ACTN2: variants seen among roughly 807,000 people sequenced by gnomAD.
The protein encoded by ACTN2 is actinin alpha 2, also known as alpha-actinin-2.
A neutral mutation model predicts 113.8 loss-of-function variants in ACTN2; 39 were observed. The observed-to-expected ratio is 0.34, with a 90% confidence interval of 0.27 to 0.45. ACTN2 has a LOEUF of 0.45. ACTN2 is among the 20% of genes least tolerant of loss of function. The pLI, the probability that ACTN2 is intolerant of heterozygous loss-of-function variation, is 1.00. For synonymous variants in ACTN2, 429 were observed against 444.1 expected (o/e 0.97, Z 0.43); for missense variants, 992 against 1,177.9 (o/e 0.84, Z 2.31).
rs764881077 is a variant in ACTN2 at position 236,744,657 on chromosome 1, C to T, written c.1287C>T (p.Tyr429=). ...GKEQILLQKD[Y]ESASLTEVRA... is the part of the protein sequence containing the mutation. Reference sequence around the variant, plus strand: ...AGCAGATCTTGCTGCAGAAGGATTACGAGTCGGCGTCGCTGACAGAGGTGC... The same window carrying T: ...AGCAGATCTTGCTGCAGAAGGATTATGAGTCGGCGTCGCTGACAGAGGTGC... Residue 429 remains tyrosine, a synonymous_variant, in exon 12 of 21, where the codon TAC becomes TAT. Coordinates refer to ENST00000366578, the MANE Select transcript of ACTN2 (RefSeq NM_001103.4). 1.9e-5 allele frequency: 30 copies of T among 1,614,074 alleles called. No homozygotes were observed. The Middle Eastern group carries it at 6.6e-4, about 35-fold the overall frequency.
intron 1 of ACTN2, among the ~76,000 whole-genome samples, chr1:236,702,283 A>T (rs1280123782): frequency 6.6e-6 from 1 of 152,210 alleles, no homozygotes. Flanking sequence ...CATTACAGAC[A>T]ACTAGGGAAG....
intron 7 of ACTN2, among the ~76,000 whole-genome samples, chr1:236,733,275 C>T (rs1229865330): frequency 6.6e-6 from 1 of 152,186 alleles, no homozygotes; most frequent in East Asian, 1.9e-4. Flanking sequence ...TTTATTCATG[C>T]CTCCCTAGTA....
At chr1:236,714,972 A>C (rs1572108780) in intron 1 of ACTN2, among the ~76,000 whole-genome samples, 1 of 103,972 alleles carries the variant, frequency 9.6e-6, no homozygotes, top group East Asian at 3.3e-4. Flanking sequence ...CTGAAGGGAT[A>C]TGCAAGAGAC....
intron 15 of ACTN2, among the ~76,000 whole-genome samples, chr1:236,751,906 T>TATA (rs1659407185): frequency 6.6e-6 from 1 of 152,198 alleles, no homozygotes. Context: ...ACACAACCAC[T>TATA]GTAGGTTATG....
chr1:236,742,113 G>C (rs1283942822), intron 10 of ACTN2, among the ~76,000 whole-genome samples: 1 of 152,256 alleles, frequency 6.6e-6, no homozygotes, highest in East Asian at 1.9e-4. Flanking sequence ...CCTCCTCGGA[G>C]GGGTCTTCTG....
At position 236,744,730 on chromosome 1, in the gene ACTN2, C is replaced by T. The variant is rs1346561214; in HGVS notation, c.1360C>T (p.His454Tyr). Residue 454 changes from histidine to tyrosine, a missense_variant, in exon 12 of 21, where the codon CAC becomes TAC. Coordinates refer to ENST00000366578, the MANE Select transcript of ACTN2 (RefSeq NM_001103.4). Reference protein sequence around the residue: ...HEAFESDLAAHQDRVEQIAAI... With the variant: ...HEAFESDLAAYQDRVEQIAAI... ...GGCGTTCGAGAGCGACCTGGCAGCG[C>T]ACCAGGACCGCGTGGAGCAGATCGC... 1 of 1,614,204 alleles carries T rather than the reference C, an allele frequency of 6.2e-7. No individual in the cohort carries two copies. Among genetic ancestry groups the T allele is most frequent in the South Asian group, 1.1e-5 (1 of 91,080 alleles).
intron 7 of ACTN2, 91 bp downstream of exon 7, chr1:236,731,405 C>A: frequency 9.8e-7 from 1 of 1,016,638 alleles, no homozygotes; most frequent in Non-Finnish European, 1.6e-6. Context: ...AATTTTATAG[C>A]GAAGTTACAT....
chr1:236,695,638 C>T lies in ACTN2; in HGVS notation c.126+8839C>T, dbSNP rs144614745. On this transcript the variant is annotated intron_variant, in intron 1 of 20. Coordinates refer to ENST00000366578, the MANE Select transcript of ACTN2 (RefSeq NM_001103.4). Reference sequence around the variant, plus strand: ...TCCAAGTTCATTTATGATTCAGAGACGTATAAATTTAAATTTGTTTTTGTA... The same window carrying T: ...TCCAAGTTCATTTATGATTCAGAGATGTATAAATTTAAATTTGTTTTTGTA... 8.0e-5 allele frequency among the ~76,000 whole-genome samples: 10 copies of T among 124,934 alleles called. No homozygotes were observed. The East Asian group carries it at 2.2e-3, about 28-fold the overall frequency. The allele number at this position is 124,934 out of a possible 152,430, so 82.0% of individuals were successfully genotyped here.
In ACTN2 at chr1:236,739,523, G is replaced by C. The variant is rs1243320734; in HGVS notation, c.1098G>C (p.Lys366Asn). 1.2e-6 allele frequency: 2 copies of C among 1,614,050 alleles called. No homozygotes were observed. Among genetic ancestry groups the C allele is most frequent in the Admixed American group, 1.7e-5 (1 of 60,020 alleles). The change falls in exon 10 of 21, where the codon AAG becomes AAC. Residue 366 changes from lysine (K) to asparagine (N), a missense_variant. Physicochemically the swap from Lys to Asn is moderately conservative, Grantham distance 94. Transcript: ENST00000366578. ...CTGCCTTCATGCCCTCCGAGGGCAA[G>C]ATGGTGTCGGTGAGTAGCAAGCGCC... ...NRPAFMPSEGKMVSDIAGAWQ... is the reference protein window; with the variant it reads ...NRPAFMPSEGNMVSDIAGAWQ...
Position 236,704,137 on chromosome 1 carries a change from T to C in ACTN2, c.127-13721T>C, listed in dbSNP as rs1434064000. Among the ~76,000 whole-genome samples, 3 of 152,192 alleles carry C rather than the reference T, an allele frequency of 2.0e-5. No homozygotes were observed. The East Asian group carries it at 5.8e-4, about 29-fold the overall frequency. ...TCAAGCTTCAACTTAAGACAGTCGTTAGTTTCACAGGACAAGGGAAGCGTA... is the reference window on the plus strand; with the variant it reads ...TCAAGCTTCAACTTAAGACAGTCGTCAGTTTCACAGGACAAGGGAAGCGTA... On this transcript the variant is annotated intron_variant, in intron 1 of 20. Coordinates refer to ENST00000366578, the MANE Select transcript of ACTN2 (RefSeq NM_001103.4).
chr1:236,751,143 C>T (rs548379332), intron 14 of ACTN2, among the ~76,000 whole-genome samples: 200 of 147,722 alleles, frequency 1.4e-3, no homozygotes, highest in Non-Finnish European at 2.1e-3. Flanking sequence ...AAGTTCTGCT[C>T]GTCAGCAGAA....
At chr1:236,758,051 T>G (rs1659599211) in intron 18 of ACTN2, among the ~76,000 whole-genome samples, 1 of 152,150 alleles carries the variant, frequency 6.6e-6, no homozygotes. Flanking sequence ...CATATAAAAC[T>G]CAGTTTTCTG....
chr1:236,743,963 G>A lies in ACTN2; in HGVS notation c.1256-663G>A, dbSNP rs139105048. 3.8e-3 allele frequency among the ~76,000 whole-genome samples: 586 copies of A among 152,234 alleles called. 3 individuals are homozygous for A. Among genetic ancestry groups the A allele is most frequent in the African/African-American group, 0.013 (549 of 41,520 alleles). On this transcript the variant is annotated intron_variant, in intron 11 of 20. Coordinates refer to ENST00000366578, the MANE Select transcript of ACTN2 (RefSeq NM_001103.4). ...TCTAGTACACAGTAAGTGGTACATC[G>A]TCATCATTAAATACATGAACATTTG...
Position 236,759,747 on chromosome 1 carries a change from T to G in ACTN2, c.2325T>G (p.His775Gln). Residue 775 changes from histidine to glutamine, a missense_variant, in exon 19 of 21, where the codon CAT (histidine) becomes CAG (glutamine). His to Gln is a conservative substitution (Grantham distance 24). Around this residue, in one of 3 missense-constraint regions of ACTN2, gnomAD observed 736 missense variants for 815.4 expected, o/e 0.90. Transcript: ENST00000366578. The stretch of plus-strand genomic sequence containing the variant: ...AGAGGAAGAATGGCCTGATGGATCA[T>G]GAGGATTTCAGAGCCTGCCTGATTT... ...FDRRKNGLMD[H>Q]EDFRACLISM... is the part of the protein sequence containing the mutation. The G allele has an allele frequency of 6.2e-7, 1 of 1,614,132 alleles. No individual in the cohort carries two copies. The highest frequency in any genetic ancestry group is 1.1e-5 in the South Asian group (1 of 91,082).
At chr1:236,694,220 C>CTTT (rs540449597) in intron 1 of ACTN2, among the ~76,000 whole-genome samples, 4 of 134,426 alleles carry the variant, frequency 3.0e-5, no homozygotes, top group Admixed American at 7.5e-5. Flanking sequence ...TTTTTCTTTT[C>CTTT]TTTTTTTTTT....
chr1:236,743,814 G>C (rs1659145135), intron 11 of ACTN2, among the ~76,000 whole-genome samples: 1 of 152,186 alleles, frequency 6.6e-6, no homozygotes, highest in Non-Finnish European at 1.5e-5. Flanking sequence ...GTGTGCCCCG[G>C]ATGAATTCTT....
At chr1:236,755,306 A>C in intron 17 of ACTN2, 108 bp downstream of exon 17, 1 of 1,317,116 alleles carries the variant, frequency 7.6e-7, no homozygotes, top group Non-Finnish European at 1.1e-6. Flanking sequence ...GTTAAGACCT[A>C]CAAGTATGAA....
chr1:236,755,593 T>G (rs964950742), intron 17 of ACTN2, among the ~76,000 whole-genome samples: 1 of 151,830 alleles, frequency 6.6e-6, no homozygotes, highest in Non-Finnish European at 1.5e-5. Context: ...CAAGAGTATA[T>G]ACTGCAGAGT....
At chr1:236,750,231 A>G (rs1659356663) in intron 14 of ACTN2, among the ~76,000 whole-genome samples, 1 of 152,194 alleles carries the variant, frequency 6.6e-6, no homozygotes, top group Non-Finnish European at 1.5e-5. Flanking sequence ...TGTAAAATAG[A>G]TATGTCATCA....
Sources: gnomAD v4.1 joint callset for allele counts (sites outside exome capture counted in the v4.1 genomes callset) on GRCh38, gnomAD v4.1.1 for gene constraint, gnomAD v4.1.1 regional missense constraint, MANE v1.5 for transcripts, NCBI Gene and HGNC (gene_info 2026-07-23, HGNC 2026-07-21) for gene names.